ODAPH: variants seen among roughly 807,000 people sequenced by gnomAD.
ODAPH encodes amelogenesis imperfecta type IIA4.
A neutral mutation model predicts 2.8 loss-of-function variants in ODAPH; 2 were observed. That is an observed-to-expected ratio of 0.72 (90% CI 0.30 to 2.28). ODAPH has a LOEUF of 2.28. Among genes scored for constraint, ODAPH ranks in the 30% most tolerant of loss-of-function variants. The pLI is 0.13. For synonymous variants in ODAPH, 75 were observed against 60.3 expected, an observed-to-expected ratio of 1.24 and a Z score of -1.13; for missense variants, 159 against 163.3, an observed-to-expected ratio of 0.97 and a Z score of 0.14.
intron 1 of ODAPH, among the ~76,000 whole-genome samples, chr4:75,560,806 G>A (rs75561294): frequency 7.4e-4 from 113 of 151,908 alleles, no homozygotes; most frequent in African/African-American, 2.6e-3. Context: ...AATGAAATGA[G>A]CACAAGAGGC....
chr4:75,564,480 C>T lies in ODAPH; in HGVS notation c.*41C>T, dbSNP rs1326338011. On this transcript the variant is annotated 3_prime_UTR_variant, in exon 2 of 2. Coordinates refer to ENST00000311623, the MANE Select transcript of ODAPH (RefSeq NM_178497.5). The stretch of plus-strand genomic sequence containing the variant: ...CAAACATACTGAAGCAAAAAAAAGC[C>T]TATCCTTCAGAAAAAAGCAACAAAA... 7 of 1,613,402 alleles carry T rather than the reference C, an allele frequency of 4.3e-6. No individual in the cohort carries two copies. Among genetic ancestry groups the T allele is most frequent in the African/African-American group, 2.7e-5 (2 of 74,856 alleles).
chr4:75,563,013 T>G (rs1397288545), intron 1 of ODAPH, among the ~76,000 whole-genome samples: 1 of 55,924 alleles, frequency 1.8e-5, no homozygotes, highest in Admixed American at 1.7e-4. Flanking sequence ...ATCTTTTTTT[T>G]TTTTTTTTTT....
In ODAPH at chr4:75,556,150, G is replaced by C; in HGVS notation, c.67+1G>C. The C allele has an allele frequency of 6.2e-7, 1 of 1,614,130 alleles. No homozygotes were observed. The highest frequency in any genetic ancestry group is 1.3e-5 in the African/African-American group (1 of 75,050). On this transcript the variant is annotated splice_donor_variant, in intron 1 of 1. Transcript: ENST00000311623. LOFTEE classifies it high-confidence loss of function. ...TGGTTGGTGGTAACTGTGGCAGAAG[G>C]TAAGGGTTTTGCTTTTATTCTACTG...
At chr4:75,561,119 G>A (rs1727552278) in intron 1 of ODAPH, among the ~76,000 whole-genome samples, 1 of 151,728 alleles carries the variant, frequency 6.6e-6, no homozygotes, top group African/African-American at 2.4e-5. Flanking sequence ...GGCTACTCGG[G>A]AGGCTGAGGC....
At chr4:75,562,718 C>G (rs1727630913) in intron 1 of ODAPH, among the ~76,000 whole-genome samples, 1 of 152,144 alleles carries the variant, frequency 6.6e-6, no homozygotes, top group African/African-American at 2.4e-5. Flanking sequence ...GAAAAGATTA[C>G]TTTTTTGTAG....
rs1462389593 is a variant in ODAPH at position 75,556,086 on chromosome 4, G to A, written c.4G>A (p.Ala2Thr). Residue 2 changes from alanine (A) to threonine (T), a missense_variant, in exon 1 of 2, where the codon GCT (alanine) becomes ACT (threonine). Ala to Thr is a moderately conservative substitution (Grantham distance 58). Transcript: ENST00000311623. ...CAGTGACTGCTCAGTAGAAGCCATG[G>A]CTCGCAGACACTGCTTCTCCTACTG... M[A>T]RRHCFSYWLL... The A allele has an allele frequency of 6.2e-7, 1 of 1,614,114 alleles. No individual in the cohort carries two copies. Among genetic ancestry groups the A allele is most frequent in the East Asian group, 2.2e-5 (1 of 44,880 alleles).
At chr4:75,556,288 G>A in intron 1 of ODAPH, 139 bp downstream of exon 1, 1 of 920,710 alleles carries the variant, frequency 1.1e-6, no homozygotes, top group African/African-American at 1.6e-5. Flanking sequence ...TGGTTAAAGA[G>A]AAGGAAGTTG....
rs140998206 is a variant in ODAPH at position 75,557,913 on chromosome 4, C to G, written c.67+1764C>G. Among the ~76,000 whole-genome samples the G allele has an allele frequency of 3.3e-5, 5 of 152,352 alleles. No homozygotes were observed. In the East Asian group the frequency reaches 7.7e-4, roughly 23 times the overall value. On this transcript the variant is annotated intron_variant, in intron 1 of 1. Transcript: ENST00000311623. Reference sequence around the variant, plus strand: ...TTTGTTGCAGTTCCGCTTTAAGGCACAACATTTAAATGCCACTATGATTTT... The same window carrying G: ...TTTGTTGCAGTTCCGCTTTAAGGCAGAACATTTAAATGCCACTATGATTTT...
At position 75,564,484 on chromosome 4, in the gene ODAPH, C is replaced by T. The variant is rs1205474431; in HGVS notation, c.*45C>T. On this transcript the variant is annotated 3_prime_UTR_variant, in exon 2 of 2. Coordinates refer to ENST00000311623, the MANE Select transcript of ODAPH (RefSeq NM_178497.5). ...CATACTGAAGCAAAAAAAAGCCTAT[C>T]CTTCAGAAAAAAGCAACAAAAAGAT... is the stretch of plus-strand genomic sequence containing the variant. The T allele has an allele frequency of 6.2e-7, 1 of 1,613,422 alleles. No individual in the cohort carries two copies. Among genetic ancestry groups the T allele is most frequent in the Non-Finnish European group, 8.5e-7 (1 of 1,179,978 alleles).
Position 75,556,433 on chromosome 4 carries a change from G to A in ODAPH, c.67+284G>A, listed in dbSNP as rs1004804621. The A allele has an allele frequency of 6.6e-6, 6 of 913,300 alleles. No homozygotes were observed. The Admixed American group carries it at 8.3e-5, about 13-fold the overall frequency. 56.6% of individuals were successfully genotyped at this position (913,300 alleles called of 1,614,324 possible). ...AACAATATCCATCGTTATGGGGTTT[G>A]CAAGGACCAAATGAGCTATCATCTG... On this transcript the variant is annotated intron_variant, in intron 1 of 1. Transcript: ENST00000311623.
chr4:75,562,076 CTGAT>C (rs1236463665), intron 1 of ODAPH, among the ~76,000 whole-genome samples: 1 of 152,194 alleles, frequency 6.6e-6, no homozygotes, highest in East Asian at 1.9e-4. Context: ...AAGTGAGAAT[CTGAT>C]TGGTCACTGA....
At chr4:75,561,223 C>CAAAAAACAAAAACAAAAA (rs760206306) in intron 1 of ODAPH, among the ~76,000 whole-genome samples, 32 of 62,688 alleles carry the variant, frequency 5.1e-4, no homozygotes, top group African/African-American at 2.0e-3. Context: ...AACTCAATCT[C>CAAAAAACAAAAACAAAAA]AAAAAAAAAA....
chr4:75,556,552 TTCTA>T, intron 1 of ODAPH: 1 of 1,535,160 alleles, frequency 6.5e-7, no homozygotes, highest in Middle Eastern at 1.7e-4. Context: ...ACTGTCCACT[TTCTA>T]TCTCCAGCAG....
Position 75,564,227 on chromosome 4 carries a change from G to T in ODAPH, c.181G>T (p.Ala61Ser). ...PPAPRSPVTR[A>S]QPITKTPRCP... The stretch of plus-strand genomic sequence containing the variant: ...TGCCCCGAGGAGTCCGGTCACAAGG[G>T]CCCAGCCCATCACAAAGACACCCAG... The change falls in exon 2 of 2, where the codon GCC (alanine) becomes TCC (serine). Residue 61 changes from alanine (A) to serine (S), a missense_variant. Coordinates refer to ENST00000311623, the MANE Select transcript of ODAPH (RefSeq NM_178497.5). The T allele has an allele frequency of 6.2e-7, 1 of 1,614,150 alleles. No individual in the cohort carries two copies.
intron 1 of ODAPH, among the ~76,000 whole-genome samples, chr4:75,561,223 C>CAAAAAACAAAAACAAA (rs760206306): frequency 3.2e-5 from 2 of 62,700 alleles, no homozygotes; most frequent in African/African-American, 1.2e-4. Flanking sequence ...AACTCAATCT[C>CAAAAAACAAAAACAAA]AAAAAAAAAA....
intron 1 of ODAPH, among the ~76,000 whole-genome samples, chr4:75,561,059 TA>T (rs1248033199): frequency 6.6e-6 from 1 of 151,830 alleles, no homozygotes; most frequent in African/African-American, 2.4e-5. Flanking sequence ...CTACTAAAAG[TA>T]TTTTAAAAAA....
chr4:75,558,473 G>A (rs1727432067), intron 1 of ODAPH, among the ~76,000 whole-genome samples: 1 of 150,260 alleles, frequency 6.7e-6, no homozygotes, highest in Non-Finnish European at 1.5e-5. Context: ...CTGCAAGCCA[G>A]CTTTGTCTGC....
chr4:75,565,845 A>G (rs992411676), downstream of ODAPH: 5 of 152,190 alleles, frequency 3.3e-5, no homozygotes, highest in South Asian at 8.3e-4. Context: ...TCATCATGCT[A>G]TGTTTCTTTG....
intron 1 of ODAPH, among the ~76,000 whole-genome samples, chr4:75,557,191 C>T (rs1269950836): frequency 2.0e-5 from 3 of 152,232 alleles, no homozygotes; most frequent in African/African-American, 7.2e-5. Context: ...CAAGCCTCAC[C>T]TACTAAAAGT....
Sources: allele counts gnomAD v4.1 joint callset (sites outside exome capture counted in the v4.1 genomes callset), GRCh38; gene constraint gnomAD v4.1.1; transcripts MANE v1.5; gene names NCBI Gene and HGNC (gene_info 2026-07-23, HGNC 2026-07-21).